Variants in CES5A observed in about 807,000 individuals in gnomAD.
CES5A encodes carboxylesterase 5.
A neutral mutation model predicts 62.9 loss-of-function variants in CES5A; 67 were observed. The ratio of observed to expected loss-of-function variants is 1.07; its 90% CI spans 0.88 to 1.31. The LOEUF is 1.31. Among genes scored for constraint, CES5A ranks in the 50% most tolerant of loss-of-function variants. The pLI is 0.00. For synonymous variants in CES5A, 296 were observed against 280.8 expected, an observed-to-expected ratio of 1.05 and a Z score of -0.54; for missense variants, 748 against 708.5, an observed-to-expected ratio of 1.06 and a Z score of -0.63.
At chr16:55,852,007 A>G (rs2033142506) in intron 10 of CES5A, among the ~76,000 whole-genome samples, 1 of 152,230 alleles carries the variant, frequency 6.6e-6, no homozygotes, top group Non-Finnish European at 1.5e-5. Context: ...AAAGTCAGTC[A>G]TAGAGACAGA....
chr16:55,916,715 T>C (rs1307594547), intron 1 of CES5A, among the ~76,000 whole-genome samples: 1 of 152,134 alleles, frequency 6.6e-6, no homozygotes, highest in Non-Finnish European at 1.5e-5. Flanking sequence ...CACAGGAAAG[T>C]AAACACAGCT....
chr16:55,921,665 C>T (rs919884670), intron 1 of CES5A, among the ~76,000 whole-genome samples: 1 of 124,472 alleles, frequency 8.0e-6, no homozygotes, highest in Non-Finnish European at 1.7e-5. Flanking sequence ...CATTGAAGTG[C>T]AAAAAAAAAA....
chr16:55,951,773 C>A (rs757070307), intron 1 of CES5A, among the ~76,000 whole-genome samples: 1 of 152,112 alleles, frequency 6.6e-6, no homozygotes, highest in Non-Finnish European at 1.5e-5. Flanking sequence ...TTTATGCACC[C>A]AATAACTTAG....
At chr16:55,852,796 GCAGCCGC>G in intron 10 of CES5A, 78 bp downstream of exon 10, 1 of 1,456,132 alleles carries the variant, frequency 6.9e-7, no homozygotes, top group Non-Finnish European at 9.3e-7. Context: ...GGCAGAGAAG[GCAGCCGC>G]TCAGTAGACA....
intron 1 of CES5A, among the ~76,000 whole-genome samples, chr16:55,891,251 C>T (rs1194916692): frequency 6.6e-6 from 1 of 152,220 alleles, no homozygotes; most frequent in Non-Finnish European, 1.5e-5. Flanking sequence ...AGAACCCCTT[C>T]CCCTCCCTTG....
At chr16:55,894,771 T>C (rs987709018) in intron 1 of CES5A, among the ~76,000 whole-genome samples, 1 of 152,178 alleles carries the variant, frequency 6.6e-6, no homozygotes, top group South Asian at 2.1e-4. Context: ...CCTCTTCCAC[T>C]CTTTAGTTCC....
intron 2 of CES5A, among the ~76,000 whole-genome samples, chr16:55,947,259 G>A (rs982271021): frequency 1.3e-5 from 2 of 152,154 alleles, no homozygotes; most frequent in East Asian, 3.9e-4. Flanking sequence ...GAGACACTGA[G>A]TGATCATCTT....
At chr16:55,946,167 T>C (rs1217059481) in intron 2 of CES5A, among the ~76,000 whole-genome samples, 2 of 152,202 alleles carry the variant, frequency 1.3e-5, no homozygotes, top group Non-Finnish European at 2.9e-5. Context: ...TTTCCTAATA[T>C]GCAAACCAGG....
chr16:55,889,419 C>A (rs1328010149), intron 1 of CES5A, among the ~76,000 whole-genome samples: 1 of 152,140 alleles, frequency 6.6e-6, no homozygotes, highest in Non-Finnish European at 1.5e-5. Context: ...TCCCATGACC[C>A]CTCCTTAGAT....
Position 55,856,974 on chromosome 16 carries a change from T to C in CES5A, c.1057-529A>G, listed in dbSNP as rs561176182. Among the ~76,000 whole-genome samples, 9 of 152,334 alleles carry C rather than the reference T, an allele frequency of 5.9e-5. No homozygotes were observed. The South Asian group carries it at 1.7e-3, about 28-fold the overall frequency. On this transcript the variant is annotated intron_variant, in intron 8 of 12. Coordinates refer to ENST00000290567, the MANE Select transcript of CES5A (RefSeq NM_001143685.2). ...TCTGTGGTGTAAGCCTCCCAGTCTA[T>C]GGTATTTTATTATGGCAGCACTGAC...
chr16:55,949,186 T>C (rs998747333), intron 2 of CES5A, among the ~76,000 whole-genome samples: 10 of 152,136 alleles, frequency 6.6e-5, no homozygotes, highest in African/African-American at 2.4e-4. Context: ...ATGAGGTTTA[T>C]TAGGGTGTTG....
chr16:55,869,869 T>A, intron 3 of CES5A, 125 bp from the exon 4 acceptor site: 2 of 1,354,894 alleles, frequency 1.5e-6, no homozygotes, highest in Non-Finnish European at 2.0e-6. Flanking sequence ...GTGCGAGGTT[T>A]TGTCATTTGA....
In CES5A at chr16:55,931,022, T is replaced by C. The variant is rs937000671; in HGVS notation, c.160+18763A>G. 3.9e-4 allele frequency among the ~76,000 whole-genome samples: 60 copies of C among 152,198 alleles called. 1 individual carries two copies. The highest frequency in any genetic ancestry group is 1.5e-4 in the Non-Finnish European group (10 of 68,034). ...TGGACATTTTTGGTGGATTACCAATTAAGCCCAAAACCCCATTTTCCATAT... is the reference window on the plus strand; with the variant it reads ...TGGACATTTTTGGTGGATTACCAATCAAGCCCAAAACCCCATTTTCCATAT... On this transcript the variant is annotated intron_variant, in intron 2 of 13. Coordinates refer to the CES5A transcript ENST00000521992.
intron 2 of CES5A, chr16:55,943,904 A>T: frequency 1.6e-6 from 1 of 614,014 alleles, no homozygotes; most frequent in Non-Finnish European, 2.9e-6. Context: ...TTAACTGAGT[A>T]TCCAGTAAGA....
upstream of CES5A, among the ~76,000 whole-genome samples, chr16:55,927,020 G>A (rs973481443): frequency 6.6e-6 from 1 of 152,058 alleles, no homozygotes; most frequent in Non-Finnish European, 1.5e-5. Context: ...CATTGATGCT[G>A]GGAAAACTAG....
intron 1 of CES5A, among the ~76,000 whole-genome samples, chr16:55,903,307 C>T (rs1305771366): frequency 6.6e-6 from 1 of 152,128 alleles, no homozygotes; most frequent in Admixed American, 6.5e-5. Context: ...AAAGGACATG[C>T]CTAGCACAGT....
chr16:55,906,797 C>T (rs1164621834), intron 1 of CES5A, among the ~76,000 whole-genome samples: 1 of 152,156 alleles, frequency 6.6e-6, no homozygotes. Context: ...GAGAGGTAGA[C>T]AGGAGGACCA....
Position 55,944,835 on chromosome 16 carries a change from A to G in CES5A, c.160+4950T>C, listed in dbSNP as rs146906941. On this transcript the variant is annotated intron_variant, in intron 2 of 13. Coordinates refer to the CES5A transcript ENST00000521992. ...TTTCTCGTCCTGCCTTTAAATCTCA[A>G]TCTCATTCATCAGGCACTTAATGAT... Among the ~76,000 whole-genome samples, 542 of 152,182 alleles carry G rather than the reference A, an allele frequency of 3.6e-3. 4 individuals are homozygous for G. The highest frequency in any genetic ancestry group is 0.012 in the African/African-American group (496 of 41,522).
chr16:55,878,810 T>G (rs1473772111), upstream of CES5A, among the ~76,000 whole-genome samples: 4 of 142,430 alleles, frequency 2.8e-5, no homozygotes, highest in Non-Finnish European at 4.6e-5. Context: ...ACCCTACCAC[T>G]GCACTCCATC....
Sources: gnomAD v4.1 joint callset for allele counts (sites outside exome capture counted in the v4.1 genomes callset) on GRCh38, gnomAD v4.1.1 for gene constraint, MANE v1.5 for transcripts, NCBI Gene and HGNC (gene_info 2026-07-23, HGNC 2026-07-21) for gene names.